Variants in NDUFA10 observed in about 807,000 individuals in gnomAD.
NDUFA10 encodes the protein NADH dehydrogenase [ubiquinone] 1 alpha subcomplex subunit 10, mitochondrial.
In NDUFA10, 40 loss-of-function variants were observed where a neutral mutation model predicts 47.8. The observed-to-expected ratio is 0.84, with a 90% CI of 0.65 to 1.09. The LOEUF is 1.09. Among genes scored for constraint, NDUFA10 ranks in the 50% least tolerant of loss-of-function variants. NDUFA10 has a pLI of 0.00. For synonymous variants in NDUFA10, 183 were observed against 172.2 expected (o/e 1.06, Z -0.49); for missense variants, 413 against 451.1 (o/e 0.92, Z 0.76).
At position 240,022,239 on chromosome 2, in the gene NDUFA10, C is replaced by T. The variant is rs1425608750; in HGVS notation, c.177G>A (p.Val59=). 6 of 1,613,978 alleles carry T rather than the reference C, an allele frequency of 3.7e-6. No homozygotes were observed. Among genetic ancestry groups the T allele is most frequent in the Non-Finnish European group, 5.1e-6 (6 of 1,180,024 alleles). The part of the protein sequence containing the change: ...ASKRLTERSR[V]ITVDGNICTG... ...TACATATATTGCCATCTACAGTTAT[C>T]ACTCTGCTGCGTTCTGTCAGTCTTT... The change falls in exon 2 of 10, where the codon GTG becomes GTA. Residue 59 remains valine (V), a synonymous_variant. Transcript: ENST00000252711.
intron 6 of NDUFA10, among the ~76,000 whole-genome samples, chr2:240,008,007 G>A (rs1188062077): frequency 5.3e-5 from 8 of 152,200 alleles, no homozygotes; most frequent in Non-Finnish European, 1.2e-4. Context: ...ACTGAAATCA[G>A]CATCTGACCC....
At position 239,918,316 on chromosome 2, in the gene NDUFA10, T is replaced by A. The variant is rs561194608; in HGVS notation, c.295-23002A>T. On this transcript the variant is annotated intron_variant, in intron 4 of 5. Coordinates refer to the NDUFA10 transcript ENST00000419408. ...CAGGGAGGCCCTCACCAAGGAGGAC[T>A]GGACACTGGACATACATGCGCCCCA... Among the ~76,000 whole-genome samples the A allele has an allele frequency of 6.6e-5, 10 of 152,302 alleles. No individual in the cohort carries two copies. The South Asian group carries it at 1.9e-3, about 28-fold the overall frequency.
intron 4 of NDUFA10, among the ~76,000 whole-genome samples, chr2:239,943,969 G>T (rs1335333793): frequency 6.6e-6 from 1 of 152,198 alleles, no homozygotes; most frequent in African/African-American, 2.4e-5. Context: ...GGCAGTGCCT[G>T]TCCCGAGATG....
intron 4 of NDUFA10, among the ~76,000 whole-genome samples, chr2:239,929,713 GCCGGCCCTGCTTCT>G (rs1559289644): frequency 2.5e-5 from 3 of 118,356 alleles, no homozygotes; most frequent in East Asian, 5.8e-4. Flanking sequence ...TTGCTCCTCC[GCCGGCCCTGCTTCT>G]CCACCAGCCC....
chr2:239,922,263 A>G (rs576191661), intron 4 of NDUFA10, among the ~76,000 whole-genome samples: 6 of 152,122 alleles, frequency 3.9e-5, no homozygotes, highest in Non-Finnish European at 8.8e-5. Flanking sequence ...CTGTGCTGAA[A>G]GGCAGCTAGG....
At chr2:239,962,977 C>T (rs1438781723) in intron 9 of NDUFA10, among the ~76,000 whole-genome samples, 1 of 152,148 alleles carries the variant, frequency 6.6e-6, no homozygotes, top group Admixed American at 6.5e-5. Flanking sequence ...ACCCCACCTC[C>T]AACAGGGGAT....
intron 4 of NDUFA10, among the ~76,000 whole-genome samples, chr2:239,898,623 C>G (rs955533809): frequency 2.6e-5 from 4 of 152,240 alleles, no homozygotes; most frequent in Non-Finnish European, 5.9e-5. Flanking sequence ...CTCTCCTTCC[C>G]TCTCTTGCAC....
intron 9 of NDUFA10, among the ~76,000 whole-genome samples, chr2:239,977,413 T>C (rs970610518): frequency 6.6e-6 from 1 of 152,170 alleles, no homozygotes; most frequent in African/African-American, 2.4e-5. Context: ...CATTTAAGGG[T>C]GCAGTTGATG....
intron 4 of NDUFA10, among the ~76,000 whole-genome samples, chr2:239,927,898 G>C (rs1694091608): frequency 6.6e-6 from 1 of 152,252 alleles, no homozygotes; most frequent in Non-Finnish European, 1.5e-5. Context: ...GCCCATCACT[G>C]TCAGGTCCCT....
At position 239,983,767 on chromosome 2, in the gene NDUFA10, C is replaced by T. The variant is rs1172889579; in HGVS notation, c.999+6307G>A. The T allele has an allele frequency of 2.0e-6, 3 of 1,530,124 alleles. No homozygotes were observed. In the East Asian group the frequency reaches 7.4e-5, roughly 38 times the overall value. 94.8% of individuals were successfully genotyped at this position (1,530,124 alleles called of 1,614,324 possible). ...AACTGAGGGAGAGTCTACAAAATAC[C>T]TCACCAGCACTCCTTATTAAAAACA... On this transcript the variant is annotated intron_variant, in intron 9 of 9. Coordinates refer to ENST00000252711, the MANE Select transcript of NDUFA10 (RefSeq NM_004544.4).
At chr2:239,992,575 A>C (rs1286798911) in intron 8 of NDUFA10, among the ~76,000 whole-genome samples, 2 of 152,238 alleles carry the variant, frequency 1.3e-5, no homozygotes, top group African/African-American at 4.8e-5. Context: ...TCCAGGAGTC[A>C]TGTAAAAATC....
At chr2:239,964,822 C>T (rs940454352) in intron 9 of NDUFA10, among the ~76,000 whole-genome samples, 1 of 152,066 alleles carries the variant, frequency 6.6e-6, no homozygotes, top group Non-Finnish European at 1.5e-5. Context: ...TTTCTTTTTC[C>T]CTAAAGGACC....
rs746033743 is a variant in NDUFA10, at chr2:240,005,344, T to C, written c.805-49A>G. 315 of 1,500,134 alleles carry C rather than the reference T, an allele frequency of 2.1e-4. 1 individual carries two copies. Among genetic ancestry groups the C allele is most frequent in the Non-Finnish European group, 2.9e-4 (309 of 1,076,806 alleles). 92.9% of individuals were successfully genotyped at this position (1,500,134 alleles called of 1,614,324 possible). On this transcript the variant is annotated intron_variant, in intron 7 of 9. Coordinates refer to ENST00000252711, the MANE Select transcript of NDUFA10 (RefSeq NM_004544.4). ...TAAACAGAGAACCCCATTTTAGAAA[T>C]TTAAATGAAATAACTTTTTTTTGAG...
chr2:239,977,405 T>C (rs1695575161), intron 9 of NDUFA10, among the ~76,000 whole-genome samples: 1 of 152,156 alleles, frequency 6.6e-6, no homozygotes, highest in South Asian at 2.1e-4. Context: ...GGAGTCCCCA[T>C]TTAAGGGTGC....
chr2:239,915,544 G>T (rs1011396647), intron 4 of NDUFA10, among the ~76,000 whole-genome samples: 1 of 115,980 alleles, frequency 8.6e-6, no homozygotes, highest in African/African-American at 3.9e-5. Context: ...AACATACACA[G>T]AGAACACACA....
intron 4 of NDUFA10, among the ~76,000 whole-genome samples, chr2:239,897,581 G>A (rs940396264): frequency 2.0e-5 from 3 of 152,210 alleles, no homozygotes; most frequent in Non-Finnish European, 1.5e-5. Flanking sequence ...ATTTTGAAAA[G>A]CATCCATACT....
intron 8 of NDUFA10, among the ~76,000 whole-genome samples, chr2:239,996,388 C>T (rs959323076): frequency 7.9e-5 from 12 of 152,268 alleles, no homozygotes; most frequent in African/African-American, 2.9e-4. Flanking sequence ...CAGAAAGATA[C>T]CTAGAAAATC....
At chr2:239,953,248 G>C, downstream of NDUFA10, among the ~76,000 whole-genome samples, 1 of 152,172 alleles carries the variant, frequency 6.6e-6, no homozygotes, top group Admixed American at 6.5e-5. Context: ...TAGAGGAGGG[G>C]TCACAAGACC....
At chr2:239,966,961 C>T (rs1169692201) in intron 9 of NDUFA10, among the ~76,000 whole-genome samples, 2 of 150,804 alleles carry the variant, frequency 1.3e-5, no homozygotes, top group African/African-American at 4.9e-5. Context: ...CCCCTGGCTC[C>T]TGAGTCTGCT....
Sources: gnomAD v4.1 joint callset for allele counts (sites outside exome capture counted in the v4.1 genomes callset) on GRCh38, gnomAD v4.1.1 for gene constraint, MANE v1.5 for transcripts, NCBI Gene and HGNC (gene_info 2026-07-23, HGNC 2026-07-21) for gene names.